Variants in MCUB observed in about 807,000 individuals in gnomAD.
The protein encoded by MCUB is calcium uniporter regulatory subunit MCUb, mitochondrial.
In MCUB, 46 loss-of-function variants were observed where a neutral mutation model predicts 41.4. That is an observed-to-expected ratio of 1.11 (90% CI 0.88 to 1.42). The LOEUF (loss-of-function observed/expected upper bound fraction) is 1.42. Ranked by LOEUF, MCUB falls within the 40% of genes most tolerant of loss-of-function variation. The pLI is 0.00. For synonymous variants in MCUB, 148 were observed against 148.2 expected (o/e 1.00, Z 0.01); for missense variants, 403 against 404.9 (o/e 1.00, Z 0.04).
At chr4:109,602,833 C>T (rs554507663) in intron 1 of MCUB, among the ~76,000 whole-genome samples, 6 of 152,240 alleles carry the variant, frequency 3.9e-5, no homozygotes, top group African/African-American at 1.2e-4. Flanking sequence ...TTCTTCTAAT[C>T]GATGAACATG....
chr4:109,613,199 A>G (rs1163389176), intron 1 of MCUB, among the ~76,000 whole-genome samples: 4 of 152,222 alleles, frequency 2.6e-5, no homozygotes, highest in African/African-American at 9.6e-5. Context: ...AAAATATTGG[A>G]GTAGAAAGTA....
chr4:109,634,365 C>T (rs1408090021), intron 1 of MCUB, among the ~76,000 whole-genome samples: 1 of 151,988 alleles, frequency 6.6e-6, no homozygotes, highest in African/African-American at 2.4e-5. Context: ...GCCTGTAATC[C>T]CAGCTACTCA....
At chr4:109,679,866 A>T (rs1248335919) in intron 4 of MCUB, among the ~76,000 whole-genome samples, 1 of 151,990 alleles carries the variant, frequency 6.6e-6, no homozygotes, top group Non-Finnish European at 1.5e-5. Flanking sequence ...CAGTGGTGCA[A>T]TCTCGGCTCA....
chr4:109,678,897 G>T (rs553448042), intron 4 of MCUB, among the ~76,000 whole-genome samples: 2 of 148,144 alleles, frequency 1.4e-5, no homozygotes, highest in African/African-American at 2.5e-5. Flanking sequence ...CTTCCCAGAC[G>T]GGGTGGCGGC....
intron 1 of MCUB, among the ~76,000 whole-genome samples, chr4:109,605,220 G>A (rs909265379): frequency 1.6e-4 from 25 of 152,136 alleles, no homozygotes; most frequent in African/African-American, 5.8e-4. Context: ...GTCTGTTTAA[G>A]TTTTGAATTT....
intron 1 of MCUB, among the ~76,000 whole-genome samples, chr4:109,576,511 C>T (rs1579045966): frequency 7.5e-6 from 1 of 132,802 alleles, no homozygotes; most frequent in African/African-American, 2.7e-5. Context: ...AAAAAGATAA[C>T]ATTTGCCTTT....
chr4:109,625,455 T>C (rs891325140), intron 1 of MCUB, among the ~76,000 whole-genome samples: 1 of 152,252 alleles, frequency 6.6e-6, no homozygotes, highest in African/African-American at 2.4e-5. Flanking sequence ...ACATGAGATA[T>C]ATTCAACACT....
At chr4:109,668,299 C>T (rs1269566867) in intron 4 of MCUB, among the ~76,000 whole-genome samples, 3 of 151,880 alleles carry the variant, frequency 2.0e-5, no homozygotes. Context: ...TTTTGTTTTG[C>T]CTCATGTAGT....
chr4:109,678,335 G>A (rs1256248129), intron 4 of MCUB, among the ~76,000 whole-genome samples: 2 of 150,742 alleles, frequency 1.3e-5, no homozygotes, highest in African/African-American at 2.4e-5. Flanking sequence ...CTGTCTCTTC[G>A]GAGCTGTTGG....
At chr4:109,659,136 C>A in intron 2 of MCUB, 50 bp downstream of exon 2, 1 of 1,066,046 alleles carries the variant, frequency 9.4e-7, no homozygotes, top group Non-Finnish European at 1.4e-6. Flanking sequence ...GTTTCCCTTT[C>A]TTCCAAATAA....
chr4:109,648,939 G>T (rs9996730), intron 1 of MCUB, among the ~76,000 whole-genome samples: 106,837 of 151,926 alleles, frequency 0.7, 38,233 homozygotes, highest in African/African-American at 0.83. Flanking sequence ...ACAAAAGTAC[G>T]CTATATTAAG....
intron 1 of MCUB, among the ~76,000 whole-genome samples, chr4:109,627,257 T>C (rs535885455): frequency 1.3e-5 from 2 of 152,348 alleles, no homozygotes; most frequent in Admixed American, 6.5e-5. Context: ...TTTGCTGGCA[T>C]GTATCTGGAA....
chr4:109,566,449 A>G (rs1222485994), intron 1 of MCUB, among the ~76,000 whole-genome samples: 3 of 149,476 alleles, frequency 2.0e-5, no homozygotes, highest in East Asian at 2.0e-4. Flanking sequence ...TAGCCTAGGC[A>G]ACAGAGTGAG....
intron 1 of MCUB, among the ~76,000 whole-genome samples, chr4:109,592,822 T>C (rs1188420692): frequency 6.6e-6 from 1 of 152,224 alleles, no homozygotes; most frequent in Non-Finnish European, 1.5e-5. Context: ...TATAAAGATA[T>C]AAAACATTTC....
chr4:109,645,937 C>T (rs1357365878), intron 1 of MCUB, among the ~76,000 whole-genome samples: 1 of 152,304 alleles, frequency 6.6e-6, no homozygotes, highest in East Asian at 1.9e-4. Flanking sequence ...CTACCTCTCA[C>T]GCTATGCAAG....
chr4:109,633,973 C>T (rs1350117705), intron 1 of MCUB, among the ~76,000 whole-genome samples: 1 of 147,940 alleles, frequency 6.8e-6, no homozygotes, highest in Non-Finnish European at 1.5e-5. Context: ...TCACGCTGTA[C>T]TTTCATTGTA....
intron 1 of MCUB, among the ~76,000 whole-genome samples, chr4:109,647,284 T>C (rs1028989603): frequency 2.0e-5 from 3 of 152,088 alleles, no homozygotes; most frequent in South Asian, 4.1e-4. Context: ...GTGTCTACAT[T>C]ATAGTGTCAT....
At chr4:109,675,668 G>A (rs572405239) in intron 4 of MCUB, among the ~76,000 whole-genome samples, 1 of 152,336 alleles carries the variant, frequency 6.6e-6, no homozygotes, top group African/African-American at 2.4e-5. Context: ...CCAGTGTTGT[G>A]GTGTTGGGAT....
chr4:109,604,891 A>G (rs1009711455), intron 1 of MCUB, among the ~76,000 whole-genome samples: 9 of 151,916 alleles, frequency 5.9e-5, no homozygotes, highest in Admixed American at 2.0e-4. Context: ...ATGGTGAATG[A>G]CCTTTTCAAT....
Sources: allele counts gnomAD v4.1 joint callset (sites outside exome capture counted in the v4.1 genomes callset), GRCh38; gene constraint gnomAD v4.1.1; transcripts MANE v1.5; gene names NCBI Gene and HGNC (gene_info 2026-07-23, HGNC 2026-07-21).